The following CTNNA3 variants were observed in gnomAD, a reference collection of about 807,000 sequenced individuals.
The protein encoded by CTNNA3 is catenin alpha-3.
Under a neutral mutation model 95.7 loss-of-function variants are expected in CTNNA3, and 76 were observed. The observed-to-expected ratio is 0.79, with a 90% CI of 0.66 to 0.96. The LOEUF (loss-of-function observed/expected upper bound fraction) is 0.96, where lower values mean the gene tolerates loss of function less well. Ranked by LOEUF, CTNNA3 falls within the 40% of genes least tolerant of loss-of-function variation. The probability of loss-of-function intolerance (pLI) is 0.00; values close to 1 mark genes in which losing one functional copy is unlikely to be tolerated. For synonymous variants in CTNNA3, 431 were observed against 374.4 expected (o/e 1.15, Z -1.74); for missense variants, 1,191 against 1,089.8 (o/e 1.09, Z -1.31).
chr10:67,562,372 G>C (rs1425620239), intron 3 of CTNNA3, among the ~76,000 whole-genome samples: 1 of 152,092 alleles, frequency 6.6e-6, no homozygotes, highest in Admixed American at 6.6e-5. Context: ...CATACAAACA[G>C]AACCAAAGAC....
intron 10 of CTNNA3, among the ~76,000 whole-genome samples, chr10:66,529,673 A>C (rs566406417): frequency 6.6e-6 from 1 of 152,198 alleles, no homozygotes; most frequent in South Asian, 2.1e-4. Flanking sequence ...GAGGACCTGC[A>C]ATGTGCCGGG....
Position 65,912,608 on chromosome 10 carries a change from A to G in CTNNA3, c.*7722T>C, listed in dbSNP as rs887603952. The G allele has an allele frequency of 2.0e-5, 3 of 152,196 alleles. No homozygotes were observed. Among genetic ancestry groups the G allele is most frequent in the Non-Finnish European group, 2.9e-5 (2 of 68,030 alleles). 9.4% of individuals were successfully genotyped at this position (152,196 alleles called of 1,614,324 possible). A position where few individuals can be genotyped will look rare whatever the true frequency, so the allele number is the denominator to read the frequency against. On this transcript the variant is annotated 3_prime_UTR_variant, in exon 18 of 18. Transcript: ENST00000433211. ...AATTCTTAATGAGCTACAGAGTGAC[A>G]TGAGTTGAAATTAGAATAAAGTAAA...
At chr10:67,509,500 G>A (rs1839538040) in intron 5 of CTNNA3, among the ~76,000 whole-genome samples, 1 of 152,098 alleles carries the variant, frequency 6.6e-6, no homozygotes, top group Non-Finnish European at 1.5e-5. Context: ...CTTCATGCAT[G>A]TCCCTGCAAA....
At chr10:67,444,788 A>G (rs1349777136) in intron 5 of CTNNA3, among the ~76,000 whole-genome samples, 1 of 152,128 alleles carries the variant, frequency 6.6e-6, no homozygotes, top group Non-Finnish European at 1.5e-5. Flanking sequence ...AACAAATTGG[A>G]AAATCTAAAG....
chr10:66,453,091 C>T (rs1441795723), intron 11 of CTNNA3, among the ~76,000 whole-genome samples: 1 of 152,002 alleles, frequency 6.6e-6, no homozygotes. Flanking sequence ...GCGGCATGCA[C>T]CTGTAGTCCC....
At chr10:66,334,654 C>G (rs1358433194) in intron 12 of CTNNA3, among the ~76,000 whole-genome samples, 2 of 152,032 alleles carry the variant, frequency 1.3e-5, no homozygotes, top group African/African-American at 4.8e-5. Flanking sequence ...TTCTCTCTGG[C>G]TGCCCTTAAC....
At chr10:66,419,426 G>A (rs1311188979) in intron 11 of CTNNA3, among the ~76,000 whole-genome samples, 1 of 151,962 alleles carries the variant, frequency 6.6e-6, no homozygotes, top group East Asian at 1.9e-4. Flanking sequence ...CCATGTTCAT[G>A]GATCAGAAAA....
At position 66,747,863 on chromosome 10, in the gene CTNNA3, C is replaced by T. The variant is rs372104922; in HGVS notation, c.1281+18401G>A. Reference sequence around the variant, plus strand: ...TCCTCATTTATCTTCCTCTTGCTTTCTAAAAAAGGTTTATAACAATCATAA... The same window carrying T: ...TCCTCATTTATCTTCCTCTTGCTTTTTAAAAAAGGTTTATAACAATCATAA... On this transcript the variant is annotated intron_variant, in intron 9 of 17. Coordinates refer to ENST00000433211, the MANE Select transcript of CTNNA3 (RefSeq NM_013266.4). Among the ~76,000 whole-genome samples, 29 of 152,166 alleles carry T rather than the reference C, an allele frequency of 1.9e-4. No homozygotes were observed. The East Asian group carries it at 5.4e-3, about 28-fold the overall frequency.
chr10:66,899,510 G>A (rs1048708401), intron 7 of CTNNA3, among the ~76,000 whole-genome samples: 2 of 152,182 alleles, frequency 1.3e-5, no homozygotes, highest in South Asian at 2.1e-4. Flanking sequence ...TGGACAGTGG[G>A]TGCAGCCCAC....
chr10:65,939,826 A>C (rs767630123), intron 17 of CTNNA3, among the ~76,000 whole-genome samples: 5 of 152,190 alleles, frequency 3.3e-5, no homozygotes, highest in African/African-American at 9.7e-5. Flanking sequence ...CATTAGCAAG[A>C]TTATTTATAA....
chr10:67,750,384 T>G (rs1841399539), intron 1 of CTNNA3: 12 of 1,492,154 alleles, frequency 8.0e-6, no homozygotes, highest in African/African-American at 1.4e-5. Context: ...GTGGTGAAGG[T>G]GGCCATTGAT....
At chr10:66,831,655 A>G (rs1290068484) in intron 7 of CTNNA3, among the ~76,000 whole-genome samples, 10 of 152,186 alleles carry the variant, frequency 6.6e-5, no homozygotes, top group Admixed American at 5.9e-4. Flanking sequence ...CCTAGCACAC[A>G]GTAGCAATTC....
chr10:66,054,289 T>C (rs2080027586), intron 15 of CTNNA3, among the ~76,000 whole-genome samples: 1 of 152,204 alleles, frequency 6.6e-6, no homozygotes, highest in Non-Finnish European at 1.5e-5. Context: ...TTTTAGATTT[T>C]GAGTAACCTC....
chr10:65,978,790 ATTAGTTTGTGC>A (rs1030778682), intron 16 of CTNNA3, among the ~76,000 whole-genome samples: 2 of 152,194 alleles, frequency 1.3e-5, no homozygotes, highest in Non-Finnish European at 2.9e-5. Context: ...CTGGTCAGCC[ATTAGTTTGTGC>A]TTATTCTACA....
intron 1 of CTNNA3, among the ~76,000 whole-genome samples, chr10:67,670,831 A>C (rs150670442): frequency 1.3e-5 from 2 of 152,210 alleles, no homozygotes; most frequent in Non-Finnish European, 2.9e-5. Context: ...AAACTTCCGT[A>C]ACTTTTTTTA....
At chr10:66,453,561 T>C (rs1282118181) in intron 11 of CTNNA3, among the ~76,000 whole-genome samples, 1 of 152,220 alleles carries the variant, frequency 6.6e-6, no homozygotes, top group African/African-American at 2.4e-5. Flanking sequence ...TGTGAACCCC[T>C]GGCATCAACT....
intron 16 of CTNNA3, among the ~76,000 whole-genome samples, chr10:65,972,315 T>C (rs186307322): frequency 1.4e-3 from 214 of 152,116 alleles, no homozygotes; most frequent in Non-Finnish European, 2.5e-3. Context: ...TTATTCAACA[T>C]AGTACTGAAA....
At chr10:67,021,705 T>C (rs1231090258) in intron 7 of CTNNA3, among the ~76,000 whole-genome samples, 1 of 152,110 alleles carries the variant, frequency 6.6e-6, no homozygotes, top group East Asian at 1.9e-4. Flanking sequence ...AAATTAAAAG[T>C]TGAGATACTA....
chr10:67,549,122 G>T (rs569061953), intron 3 of CTNNA3, among the ~76,000 whole-genome samples: 13 of 151,990 alleles, frequency 8.6e-5, no homozygotes, highest in Admixed American at 8.5e-4. Flanking sequence ...CATTTCTTGT[G>T]TAGTCAAAAA....
Sources: gnomAD v4.1 joint callset for allele counts (sites outside exome capture counted in the v4.1 genomes callset) on GRCh38, gnomAD v4.1.1 for gene constraint, MANE v1.5 for transcripts, NCBI Gene and HGNC (gene_info 2026-07-23, HGNC 2026-07-21) for gene names.